SNRNP40: variants seen among roughly 807,000 people sequenced by gnomAD.
The protein encoded by SNRNP40 is small nuclear ribonucleoprotein U5 subunit 40.
In SNRNP40, 21 loss-of-function variants were observed where a neutral mutation model predicts 45.8. The ratio of observed to expected loss-of-function variants is 0.46; its 90% CI spans 0.32 to 0.66. The LOEUF (loss-of-function observed/expected upper bound fraction) is 0.66, where lower values mean the gene tolerates loss of function less well. Among genes scored for constraint, SNRNP40 ranks in the 30% least tolerant of loss-of-function variants. SNRNP40 has a pLI of 0.03. For synonymous variants in SNRNP40, 142 were observed against 163.8 expected, an observed-to-expected ratio of 0.87 and a Z score of 1.01; for missense variants, 344 against 439.1, an observed-to-expected ratio of 0.78 and a Z score of 1.94.
intron 1 of SNRNP40, among the ~76,000 whole-genome samples, chr1:31,295,414 G>C (rs185407651): frequency 1.3e-4 from 20 of 152,286 alleles, no homozygotes; most frequent in Admixed American, 3.9e-4. Flanking sequence ...TTTAAAATAG[G>C]GTGGTCAGGA....
At chr1:31,281,172 T>C (rs1646014168) in intron 5 of SNRNP40, among the ~76,000 whole-genome samples, 1 of 152,242 alleles carries the variant, frequency 6.6e-6, no homozygotes, top group East Asian at 1.9e-4. Context: ...GCCTGGTCCC[T>C]GACAGCATTT....
chr1:31,282,654 GTCTATCTATCTATCTAATC>G (rs1239144128), intron 4 of SNRNP40, among the ~76,000 whole-genome samples: 2 of 151,116 alleles, frequency 1.3e-5, no homozygotes, highest in Non-Finnish European at 2.9e-5. Flanking sequence ...GTATCTATGT[GTCTATCTATCTATCTAATC>G]TCTATCTATC....
At chr1:31,274,100 G>A (rs1017228947) in intron 5 of SNRNP40, among the ~76,000 whole-genome samples, 6 of 152,140 alleles carry the variant, frequency 3.9e-5, no homozygotes, top group Non-Finnish European at 8.8e-5. Context: ...TGATGAGGTA[G>A]ACAGGCAGAG....
At chr1:31,265,584 T>C (rs570195018) in intron 8 of SNRNP40, among the ~76,000 whole-genome samples, 15 of 152,048 alleles carry the variant, frequency 9.9e-5, no homozygotes, top group Non-Finnish European at 1.6e-4. Flanking sequence ...TTCATGACTG[T>C]AATCCCAGCA....
chr1:31,282,964 C>G (rs925540690), intron 4 of SNRNP40, among the ~76,000 whole-genome samples: 1 of 152,168 alleles, frequency 6.6e-6, no homozygotes. Context: ...GCATGAGCCA[C>G]CACGCCTGGC....
intron 8 of SNRNP40, among the ~76,000 whole-genome samples, chr1:31,267,421 C>T (rs1195481820): frequency 2.0e-5 from 3 of 152,172 alleles, no homozygotes; most frequent in Non-Finnish European, 4.4e-5. Context: ...TTTTGAAACC[C>T]TTCATACTGC....
At position 31,288,825 on chromosome 1, in the gene SNRNP40, G is replaced by A. The variant is rs549901721; in HGVS notation, c.531+429C>T. 2.7e-3 allele frequency among the ~76,000 whole-genome samples: 417 copies of A among 152,142 alleles called. 5 individuals carry two copies. Among genetic ancestry groups the A allele is most frequent in the African/African-American group, 9.5e-3 (395 of 41,504 alleles). ...GCAATCTCTGCAAGCTCCACCTCCC[G>A]GGTGCACACCATTCTCCTGCCTCAG... On this transcript the variant is annotated intron_variant, in intron 4 of 9. Transcript: ENST00000263694.
chr1:31,281,714 T>C (rs1646017782), intron 4 of SNRNP40: 2 of 376,350 alleles, frequency 5.3e-6, no homozygotes, highest in Non-Finnish European at 9.7e-6. Flanking sequence ...ACTTCGGTTA[T>C]ATTTTCAGAC....
At chr1:31,269,441 G>C (rs894267853) in intron 6 of SNRNP40, 24 of 1,278,016 alleles carry the variant, frequency 1.9e-5, no homozygotes, top group Middle Eastern at 2.1e-4. Context: ...CCCAATAACT[G>C]GGGCTAGCTG....
At chr1:31,272,611 C>T (rs1029108074) in intron 5 of SNRNP40, among the ~76,000 whole-genome samples, 2 of 152,166 alleles carry the variant, frequency 1.3e-5, no homozygotes, top group Non-Finnish European at 2.9e-5. Flanking sequence ...CTACTTCTTA[C>T]GGCTGTTGTA....
At chr1:31,281,750 A>C in intron 4 of SNRNP40, 1 of 300,852 alleles carries the variant, frequency 3.3e-6, no homozygotes, top group Non-Finnish European at 6.2e-6. Context: ...AACAGAGTTA[A>C]ATCAACATAC....
chr1:31,270,698 A>G (rs1293765778), intron 6 of SNRNP40, among the ~76,000 whole-genome samples: 5 of 152,206 alleles, frequency 3.3e-5, no homozygotes, highest in Admixed American at 2.0e-4. Flanking sequence ...TAAGTACCCA[A>G]TGAATGTCAG....
intron 5 of SNRNP40, among the ~76,000 whole-genome samples, chr1:31,278,344 C>T (rs940490221): frequency 2.0e-5 from 3 of 152,176 alleles, no homozygotes; most frequent in Non-Finnish European, 2.9e-5. Context: ...TTAGTCTATC[C>T]TCACAGTGGA....
intron 4 of SNRNP40, among the ~76,000 whole-genome samples, chr1:31,284,502 G>C (rs893320346): frequency 6.6e-6 from 1 of 152,136 alleles, no homozygotes; most frequent in Non-Finnish European, 1.5e-5. Flanking sequence ...TTTTTAAAGC[G>C]TGGATAACAC....
chr1:31,267,905 C>T lies in SNRNP40; in HGVS notation c.886G>A (p.Asp296Asn), dbSNP rs571933195. Reference sequence around the variant, plus strand: ...GAGCCAGCTGCTATTTTGCTTCCATCAGGTGACCAAGAACATCTCAGAAGG... The same window carrying T: ...GAGCCAGCTGCTATTTTGCTTCCATTAGGTGACCAAGAACATCTCAGAAGG... ...KNLLRCSWSPDGSKIAAGSAD... is the reference protein window; with the variant it reads ...KNLLRCSWSPNGSKIAAGSAD... The change falls in exon 8 of 10, where the codon GAT becomes AAT. Residue 296 changes from aspartate (D) to asparagine (N), a missense_variant. By Grantham distance (23) the Asp-to-Asn change is conservative. This residue lies in a region of SNRNP40 where 254 missense variants were observed against 380.2 expected (regional missense o/e 0.67). Transcript: ENST00000263694. The T allele has an allele frequency of 6.2e-7, 1 of 1,613,252 alleles. No homozygotes were observed. Among genetic ancestry groups the T allele is most frequent in the Admixed American group, 1.7e-5 (1 of 59,988 alleles).
chr1:31,270,273 A>G (rs987944263), intron 6 of SNRNP40, among the ~76,000 whole-genome samples: 2 of 152,180 alleles, frequency 1.3e-5, no homozygotes, highest in African/African-American at 4.8e-5. Context: ...ACAAGAAATT[A>G]TTCTATTATT....
Position 31,261,643 on chromosome 1 carries a change from T to C in SNRNP40, c.921-11A>G, listed in dbSNP as rs1440342842. 3.1e-6 allele frequency: 5 copies of C among 1,592,800 alleles called. No homozygotes were observed. The highest frequency in any genetic ancestry group is 2.6e-6 in the Non-Finnish European group (3 of 1,160,786). On this transcript the variant is annotated splice_polypyrimidine_tract_variant and intron_variant, in intron 8 of 9. Coordinates refer to ENST00000263694, the MANE Select transcript of SNRNP40 (RefSeq NM_004814.3). ...CACACATAAACAAACCTGTAAGGTA[T>C]CATGAAAAGCAAGGGTAAGTCCTCT...
chr1:31,265,653 A>C (rs1405824478), intron 8 of SNRNP40, among the ~76,000 whole-genome samples: 4 of 152,186 alleles, frequency 2.6e-5, no homozygotes, highest in Non-Finnish European at 4.4e-5. Flanking sequence ...ATTCTGGCTA[A>C]CACGGTGAAA....
chr1:31,269,427 A>G (rs1314371927), intron 6 of SNRNP40, 187 bp from the exon 7 acceptor site: 1 of 1,338,536 alleles, frequency 7.5e-7, no homozygotes, highest in Non-Finnish European at 9.7e-7. Flanking sequence ...AAACACATCT[A>G]AATCCCAATA....
Sources: gnomAD v4.1 joint callset for allele counts (sites outside exome capture counted in the v4.1 genomes callset) on GRCh38, gnomAD v4.1.1 for gene constraint, gnomAD v4.1.1 regional missense constraint, MANE v1.5 for transcripts, NCBI Gene and HGNC (gene_info 2026-07-23, HGNC 2026-07-21) for gene names.